The following SYN3 variants were observed in gnomAD, a reference collection of about 807,000 sequenced individuals.
The protein encoded by SYN3 is synapsin-3.
Under a neutral mutation model 65.8 loss-of-function variants are expected in SYN3, and 35 were observed. The ratio of observed to expected loss-of-function variants is 0.53; its 90% confidence interval spans 0.41 to 0.70. The LOEUF (loss-of-function observed/expected upper bound fraction) is 0.70. SYN3 is among the 30% of genes least tolerant of loss of function. The probability of loss-of-function intolerance (pLI) is 0.00; values close to 1 mark genes in which losing one functional copy is unlikely to be tolerated. For missense variants in SYN3, 680 were observed against 749.0 expected (o/e 0.91, Z 1.08); for synonymous variants, 270 against 292.9 (o/e 0.92, Z 0.80).
At chr22:32,785,177 G>A (rs1346095535) in intron 6 of SYN3, among the ~76,000 whole-genome samples, 1 of 152,088 alleles carries the variant, frequency 6.6e-6, no homozygotes, top group Non-Finnish European at 1.5e-5. Context: ...GCAGCTCTGG[G>A]GTCAGTCGGT....
In SYN3 at chr22:32,786,653, C is replaced by T. The variant is rs1297126779; in HGVS notation, c.711+78262G>A. Among the ~76,000 whole-genome samples, 6 of 152,312 alleles carry T rather than the reference C, an allele frequency of 3.9e-5. No individual in the cohort carries two copies. In the East Asian group the frequency reaches 1.2e-3, roughly 29 times the overall value. ...CTGGGATTACAGGCGTGAGCCACCACGCCCGGCCCTGCAACTTATTCTTAA... is the reference window on the plus strand; with the variant it reads ...CTGGGATTACAGGCGTGAGCCACCATGCCCGGCCCTGCAACTTATTCTTAA... On this transcript the variant is annotated intron_variant, in intron 6 of 13. Coordinates refer to ENST00000358763, the MANE Select transcript of SYN3 (RefSeq NM_003490.4).
chr22:33,050,705 G>A (rs1197708944), intron 1 of SYN3, among the ~76,000 whole-genome samples: 1 of 152,040 alleles, frequency 6.6e-6, no homozygotes, highest in Non-Finnish European at 1.5e-5. Context: ...AAAGATTCCT[G>A]CTCCAGCCCC....
chr22:32,626,978 C>A (rs367924283), intron 6 of SYN3, among the ~76,000 whole-genome samples: 3 of 152,120 alleles, frequency 2.0e-5, no homozygotes, highest in Non-Finnish European at 4.4e-5. Context: ...CTCCCTGCAC[C>A]CCCAGCTTTG....
At chr22:32,642,463 T>C (rs1023051058) in intron 6 of SYN3, among the ~76,000 whole-genome samples, 1 of 151,640 alleles carries the variant, frequency 6.6e-6, no homozygotes, top group East Asian at 1.9e-4. Flanking sequence ...TTAATTGAGA[T>C]GGAGTCTTGC....
intron 1 of SYN3, among the ~76,000 whole-genome samples, chr22:33,033,862 T>A (rs1005781789): frequency 2.0e-5 from 3 of 151,856 alleles, no homozygotes; most frequent in African/African-American, 7.3e-5. Flanking sequence ...ACAACACAGG[T>A]CTCCAAGGTA....
At chr22:33,028,643 A>ATGGTGGTGGTGGTGGTGATGGTGG in intron 1 of SYN3, among the ~76,000 whole-genome samples, 1 of 93,136 alleles carries the variant, frequency 1.1e-5, no homozygotes, top group South Asian at 4.4e-4. Flanking sequence ...AAGAACCATG[A>ATGGTGGTGGTGGTGGTGATGGTGG]TGGTGGTGGT....
intron 4 of SYN3, among the ~76,000 whole-genome samples, chr22:32,914,300 G>A (rs2050132985): frequency 6.6e-6 from 1 of 152,192 alleles, no homozygotes; most frequent in African/African-American, 2.4e-5. Context: ...TTAAGAGCAT[G>A]GATTTAGAAT....
intron 6 of SYN3, among the ~76,000 whole-genome samples, chr22:32,624,556 A>T (rs1291250384): frequency 2.0e-5 from 3 of 152,226 alleles, no homozygotes; most frequent in African/African-American, 7.2e-5. Context: ...ACCTGTAGGG[A>T]CCTGTCCAAC....
At chr22:32,981,192 G>A (rs1259216753) in intron 2 of SYN3, among the ~76,000 whole-genome samples, 2 of 151,772 alleles carry the variant, frequency 1.3e-5, no homozygotes, top group South Asian at 4.2e-4. Context: ...GTGGTAGAGG[G>A]GAGATGGTGG....
chr22:32,984,272 C>T (rs2052460614), intron 2 of SYN3, among the ~76,000 whole-genome samples: 1 of 151,606 alleles, frequency 6.6e-6, no homozygotes, highest in South Asian at 2.1e-4. Flanking sequence ...ACCTTAAAGA[C>T]TCAGAATGTA....
intron 7 of SYN3, among the ~76,000 whole-genome samples, chr22:32,576,478 G>A (rs573697646): frequency 2.6e-5 from 4 of 152,192 alleles, no homozygotes; most frequent in East Asian, 3.9e-4. Flanking sequence ...CCTAGTATGC[G>A]GTCAATAAAT....
intron 4 of SYN3, among the ~76,000 whole-genome samples, chr22:32,913,038 C>A (rs1205715306): frequency 6.8e-6 from 1 of 147,964 alleles, no homozygotes; most frequent in Non-Finnish European, 1.5e-5. Flanking sequence ...AAAACTATAC[C>A]CCTCTGGTAC....
chr22:32,677,056 T>A (rs1275685960), intron 6 of SYN3, among the ~76,000 whole-genome samples: 2 of 152,204 alleles, frequency 1.3e-5, no homozygotes, highest in African/African-American at 4.8e-5. Context: ...GCAATTAAAC[T>A]CAACACATAC....
At chr22:32,618,332 G>A (rs1008614237) in intron 6 of SYN3, among the ~76,000 whole-genome samples, 2 of 152,104 alleles carry the variant, frequency 1.3e-5, no homozygotes, top group South Asian at 2.1e-4. Context: ...CTCCCAGCAC[G>A]AGAGCTTCCA....
intron 4 of SYN3, among the ~76,000 whole-genome samples, chr22:32,889,494 A>G (rs2146464567): frequency 6.6e-6 from 1 of 152,348 alleles, no homozygotes; most frequent in South Asian, 2.1e-4. Context: ...TAAAGAAAAT[A>G]AAATCAAATA....
At chr22:32,557,999 AAGT>A (rs1276943555) in intron 7 of SYN3, among the ~76,000 whole-genome samples, 1 of 152,174 alleles carries the variant, frequency 6.6e-6, no homozygotes, top group Non-Finnish European at 1.5e-5. Flanking sequence ...TCTCACCAAG[AAGT>A]ACCAAGTTGA....
chr22:32,980,313 C>T (rs560421878), intron 3 of SYN3, among the ~76,000 whole-genome samples: 1 of 152,250 alleles, frequency 6.6e-6, no homozygotes, highest in Non-Finnish European at 1.5e-5. Context: ...AGGAGATGCC[C>T]CAGGGGCCAA....
chr22:32,752,554 T>A (rs1407657144), intron 6 of SYN3, among the ~76,000 whole-genome samples: 1 of 152,232 alleles, frequency 6.6e-6, no homozygotes, highest in Non-Finnish European at 1.5e-5. Context: ...TGCTACTCCT[T>A]CTACGACTCA....
chr22:32,759,757 CCAGCCCCAGTCAGCACCCACGG>C, intron 6 of SYN3, among the ~76,000 whole-genome samples: 2 of 113,450 alleles, frequency 1.8e-5, no homozygotes, highest in Non-Finnish European at 3.8e-5. Flanking sequence ...CAGCACCCAC[CCAGCCCCAGTCAGCACCCACGG>C]CACCCCCAGC....
Sources: gnomAD v4.1 joint callset for allele counts (sites outside exome capture counted in the v4.1 genomes callset) on GRCh38, gnomAD v4.1.1 for gene constraint, MANE v1.5 for transcripts, NCBI Gene and HGNC (gene_info 2026-07-23, HGNC 2026-07-21) for gene names.